The following MMACHC variants were observed in gnomAD, a reference collection of about 807,000 sequenced individuals.
MMACHC encodes metabolism of cobalamin associated C.
A neutral mutation model predicts 17.6 loss-of-function variants in MMACHC; 14 were observed. The ratio of observed to expected loss-of-function variants is 0.80; its 90% CI spans 0.53 to 1.25. The LOEUF (loss-of-function observed/expected upper bound fraction) is 1.25, where lower values mean the gene tolerates loss of function less well. Ranked by LOEUF, MMACHC falls within the 50% of genes most tolerant of loss-of-function variation. The pLI is 0.00. For missense variants in MMACHC, 392 were observed against 364.5 expected (o/e 1.08, Z -0.62); for synonymous variants, 151 against 142.1 (o/e 1.06, Z -0.45).
chr1:45,503,403 A>G (rs533958266), intron 1 of MMACHC, among the ~76,000 whole-genome samples: 9 of 150,874 alleles, frequency 6.0e-5, no homozygotes, highest in African/African-American at 2.2e-4. Context: ...CTCCATCTCA[A>G]AAATAATAAT....
At position 45,508,985 on chromosome 1, in the gene MMACHC, G is replaced by C. The variant is rs867614301; in HGVS notation, c.619G>C (p.Asp207His). ...CCACTGGCGTGATTGGACTTACCGG[G>C]ATGCTGTGACACCCCAGGAGCGCTA... is the stretch of plus-strand genomic sequence containing the variant. Reference protein sequence around the residue: ...NFHWRDWTYRDAVTPQERYSE... With the variant: ...NFHWRDWTYRHAVTPQERYSE... The change falls in exon 4 of 4, where the codon GAT (aspartate) becomes CAT (histidine). Residue 207 changes from aspartate to histidine, a missense_variant. Transcript: ENST00000401061. The C allele has an allele frequency of 9.3e-6, 15 of 1,614,062 alleles. No individual in the cohort carries two copies. The highest frequency in any genetic ancestry group is 1.3e-5 in the Non-Finnish European group (15 of 1,180,042).
In MMACHC at chr1:45,507,503, G is replaced by A; in HGVS notation, c.229G>A (p.Asp77Asn). The change falls in exon 2 of 4, where the codon GAC (aspartate) becomes AAC (asparagine). Residue 77 changes from aspartate (D) to asparagine (N), a missense_variant. Asp to Asn is a conservative substitution (Grantham distance 23, BLOSUM62 1). Transcript: ENST00000401061. ...LQSCHLRMLT[D>N]PVDQCVAYHL... ...GAGCTGCCACCTCCGAATGCTGACTGACCCAGTGGACCAGTGTGTGGCCTA... is the reference window on the plus strand; with the variant it reads ...GAGCTGCCACCTCCGAATGCTGACTAACCCAGTGGACCAGTGTGTGGCCTA... The A allele has an allele frequency of 1.2e-6, 2 of 1,614,156 alleles. No individual in the cohort carries two copies. The highest frequency in any genetic ancestry group is 1.7e-6 in the Non-Finnish European group (2 of 1,180,034).
chr1:45,511,640 C>G lies in MMACHC; in HGVS notation c.*2425C>G. The G allele has an allele frequency of 2.7e-6, 1 of 372,232 alleles. No individual in the cohort carries two copies. The highest frequency in any genetic ancestry group is 4.8e-6 in the Non-Finnish European group (1 of 208,468). 23.1% of individuals were successfully genotyped at this position (372,232 alleles called of 1,614,324 possible). A position where few individuals can be genotyped will look rare whatever the true frequency, so the allele number is the denominator to read the frequency against. Reference sequence around the variant, plus strand: ...TCATGCCTAATTTATTCATGTAGCACTTGAAATTTAAATTTTCCACAAAAA... The same window carrying G: ...TCATGCCTAATTTATTCATGTAGCAGTTGAAATTTAAATTTTCCACAAAAA... On this transcript the variant is annotated 3_prime_UTR_variant, in exon 4 of 4. Transcript: ENST00000401061.
At chr1:45,508,643 T>G (rs548816055) in intron 3 of MMACHC, among the ~76,000 whole-genome samples, 153 bp from the exon 4 acceptor site, 6 of 152,234 alleles carry the variant, frequency 3.9e-5, no homozygotes, top group African/African-American at 1.4e-4. Context: ...GTGCTCAGAA[T>G]AGTTTATGAA....
At chr1:45,504,780 T>C (rs1236367267) in intron 1 of MMACHC, among the ~76,000 whole-genome samples, 2 of 152,188 alleles carry the variant, frequency 1.3e-5, no homozygotes, top group Admixed American at 1.3e-4. Context: ...AGTACGTTTC[T>C]AGCCTCTTTG....
intron 1 of MMACHC, among the ~76,000 whole-genome samples, chr1:45,502,716 T>C (rs1284465698): frequency 6.6e-6 from 1 of 151,610 alleles, no homozygotes; most frequent in Non-Finnish European, 1.5e-5. Flanking sequence ...CTTTTTTTTT[T>C]TTTTTGAGAT....
chr1:45,508,442 T>G (rs1643669952), intron 3 of MMACHC, 78 bp downstream of exon 3: 3 of 1,518,718 alleles, frequency 2.0e-6, no homozygotes, highest in Non-Finnish European at 2.7e-6. Context: ...TTCCTCAGCC[T>G]TCCCTGGATG....
In MMACHC at chr1:45,509,247, G is replaced by A. The variant is rs1161541164; in HGVS notation, c.*32G>A. On this transcript the variant is annotated 3_prime_UTR_variant, in exon 4 of 4. Transcript: ENST00000401061. ...CCCATGTGGACCCTGATTTATGGTGGTACTTGCTAGGACTTAATTGGCTTT... is the reference window on the plus strand; with the variant it reads ...CCCATGTGGACCCTGATTTATGGTGATACTTGCTAGGACTTAATTGGCTTT... 8 of 1,613,294 alleles carry A rather than the reference G, an allele frequency of 5.0e-6. No homozygotes were observed. Among genetic ancestry groups the A allele is most frequent in the Admixed American group, 1.7e-5 (1 of 59,986 alleles).
chr1:45,503,105 TAGA>T (rs1557605561), intron 1 of MMACHC, among the ~76,000 whole-genome samples: 1 of 152,142 alleles, frequency 6.6e-6, no homozygotes, highest in Non-Finnish European at 1.5e-5. Flanking sequence ...TTCTGCCTAT[TAGA>T]ACTTTCTGCA....
At chr1:45,503,379 G>T (rs1393178271) in intron 1 of MMACHC, among the ~76,000 whole-genome samples, 1 of 148,446 alleles carries the variant, frequency 6.7e-6, no homozygotes, top group Non-Finnish European at 1.5e-5. Context: ...GCCTGGGCAA[G>T]AAGAAGAGCG....
In MMACHC at chr1:45,511,263, A is replaced by C; in HGVS notation, c.*2048A>C. On this transcript the variant is annotated 3_prime_UTR_variant, in exon 4 of 4. Transcript: ENST00000401061. ...TCTTGTGTTTTACTAATGGAAAAAA[A>C]AAATACAGAAGAGGTTTTGTTCTCA... 7.4e-7 allele frequency: 1 copy of C among 1,352,526 alleles called. No homozygotes were observed. Among genetic ancestry groups the C allele is most frequent in the African/African-American group, 1.5e-5 (1 of 66,826 alleles). 83.8% of individuals were successfully genotyped at this position (1,352,526 alleles called of 1,614,324 possible).
Position 45,509,443 on chromosome 1 carries a change from T to A in MMACHC, c.*228T>A. 2 of 414,168 alleles carry A rather than the reference T, an allele frequency of 4.8e-6. No individual in the cohort carries two copies. The highest frequency in any genetic ancestry group is 8.2e-6 in the Non-Finnish European group (2 of 243,798). The allele number at this position is 414,168 out of a possible 1,614,324, so 25.7% of individuals were successfully genotyped here. A position where few individuals can be genotyped will look rare whatever the true frequency, so the allele number is the denominator to read the frequency against. ...TTTTTTTTTTTTTTTAGACAGAGTC[T>A]TACTCTGTCACCTAGGCTGGAGTGC... On this transcript the variant is annotated 3_prime_UTR_variant, in exon 4 of 4. Transcript: ENST00000401061.
At position 45,508,786 on chromosome 1, in the gene MMACHC, C is replaced by T. The variant is rs550692873; in HGVS notation, c.430-10C>T. On this transcript the variant is annotated splice_polypyrimidine_tract_variant and intron_variant, in intron 3 of 3. Transcript: ENST00000401061. Reference sequence around the variant, plus strand: ...CTCCATGACCTTGCTTTTCTTCACCCTCTCCCCAGCGCATATCAGGTGTGT... The same window carrying T: ...CTCCATGACCTTGCTTTTCTTCACCTTCTCCCCAGCGCATATCAGGTGTGT... 1 of 1,612,320 alleles carries T rather than the reference C, an allele frequency of 6.2e-7. No homozygotes were observed. The highest frequency in any genetic ancestry group is 2.2e-5 in the East Asian group (1 of 44,852).
At position 45,509,373 on chromosome 1, in the gene MMACHC, G is replaced by A; in HGVS notation, c.*158G>A. ...GCTCAAGGAAGTTAGGTTTGGCCAAGATAAAGGCCAGGGAACCAGAATTCC... is the reference window on the plus strand; with the variant it reads ...GCTCAAGGAAGTTAGGTTTGGCCAAAATAAAGGCCAGGGAACCAGAATTCC... On this transcript the variant is annotated 3_prime_UTR_variant, in exon 4 of 4. Transcript: ENST00000401061. 2.5e-6 allele frequency: 2 copies of A among 788,944 alleles called. No individual in the cohort carries two copies. Among genetic ancestry groups the A allele is most frequent in the Non-Finnish European group, 3.9e-6 (2 of 517,664 alleles). The allele number at this position is 788,944 out of a possible 1,614,324, so 48.9% of individuals were successfully genotyped here. A position where few individuals can be genotyped will look rare whatever the true frequency, so the allele number is the denominator to read the frequency against.
intron 3 of MMACHC, 38 bp from the exon 4 acceptor site, chr1:45,508,758 G>A (rs1362990214): frequency 4.4e-6 from 7 of 1,599,670 alleles, no homozygotes; most frequent in Non-Finnish European, 5.1e-6. Flanking sequence ...GTGCCAAGGG[G>A]ACCTCCATGA....
rs117797284 is a variant in MMACHC at position 45,505,473 on chromosome 1, A to T, written c.82-1883A>T. On this transcript the variant is annotated intron_variant, in intron 1 of 3. Transcript: ENST00000401061. ...AAAAATAAAATAAAATAAAATAAAA[A>T]AACAAAGACAGGTTCTCACTCTGTT... 2.0e-3 allele frequency among the ~76,000 whole-genome samples: 307 copies of T among 151,900 alleles called. 8 individuals are homozygous for T. The East Asian group carries it at 0.052, about 26-fold the overall frequency.
At chr1:45,500,614 C>T (rs1643524861) in intron 1 of MMACHC, among the ~76,000 whole-genome samples, 2 of 152,160 alleles carry the variant, frequency 1.3e-5, no homozygotes, top group African/African-American at 4.8e-5. Context: ...CCTGTAATCC[C>T]AGCACTTTGG....
In MMACHC at chr1:45,509,246, G is replaced by T. The variant is rs1381633768; in HGVS notation, c.*31G>T. 2 of 1,613,460 alleles carry T rather than the reference G, an allele frequency of 1.2e-6. No individual in the cohort carries two copies. The highest frequency in any genetic ancestry group is 1.3e-5 in the African/African-American group (1 of 74,926). On this transcript the variant is annotated 3_prime_UTR_variant, in exon 4 of 4. Transcript: ENST00000401061. ...TCCCATGTGGACCCTGATTTATGGT[G>T]GTACTTGCTAGGACTTAATTGGCTT...
chr1:45,508,412 T>C lies in MMACHC; in HGVS notation c.429+48T>C, dbSNP rs572795898. On this transcript the variant is annotated intron_variant, in intron 3 of 3. Coordinates refer to ENST00000401061, the MANE Select transcript of MMACHC (RefSeq NM_015506.3). ...AGGCTGAGATAGACTGGTAAAGGCC[T>C]CTCCCTACCAGGTCCCACATTCCTC... 99 of 1,600,534 alleles carry C rather than the reference T, an allele frequency of 6.2e-5. 1 individual carries two copies. In the African/African-American group the frequency reaches 1.1e-3, roughly 17 times the overall value.
Sources: allele counts gnomAD v4.1 joint callset (sites outside exome capture counted in the v4.1 genomes callset), GRCh38; gene constraint gnomAD v4.1.1; transcripts MANE v1.5; gene names NCBI Gene and HGNC (gene_info 2026-07-23, HGNC 2026-07-21).